GABBR2: variants seen among roughly 807,000 people sequenced by gnomAD.
The protein encoded by GABBR2 is G-protein coupled receptor 51.
Under a neutral mutation model 105.6 loss-of-function variants are expected in GABBR2, and 23 were observed. The ratio of observed to expected loss-of-function variants is 0.22; its 90% confidence interval spans 0.16 to 0.31. The LOEUF (loss-of-function observed/expected upper bound fraction) is 0.31. Ranked by LOEUF, GABBR2 falls within the 10% of genes least tolerant of loss-of-function variation. The probability of loss-of-function intolerance (pLI) is 1.00; values close to 1 mark genes in which losing one functional copy is unlikely to be tolerated. For missense variants in GABBR2, 734 were observed against 1,245.5 expected, an observed-to-expected ratio of 0.59 and a Z score of 6.18; for synonymous variants, 478 against 499.7, an observed-to-expected ratio of 0.96 and a Z score of 0.58.
chr9:98,595,071 C>A (rs1040582910), intron 1 of GABBR2, among the ~76,000 whole-genome samples: 1 of 152,050 alleles, frequency 6.6e-6, no homozygotes, highest in Non-Finnish European at 1.5e-5. Flanking sequence ...CACAAAATAC[C>A]ACAAACTGGA....
chr9:98,349,448 G>C (rs915827167), intron 13 of GABBR2, among the ~76,000 whole-genome samples: 13 of 146,110 alleles, frequency 8.9e-5, no homozygotes, highest in African/African-American at 3.1e-4. Context: ...CGCCTCCTGG[G>C]TTGCAAGCGA....
chr9:98,509,430 G>C (rs540063685), intron 3 of GABBR2, among the ~76,000 whole-genome samples: 1 of 152,344 alleles, frequency 6.6e-6, no homozygotes, highest in African/African-American at 2.4e-5. Context: ...GAATGACTTT[G>C]ACGAGTTGAG....
intron 1 of GABBR2, among the ~76,000 whole-genome samples, chr9:98,688,453 C>T (rs1830647341): frequency 6.7e-6 from 1 of 149,600 alleles, no homozygotes; most frequent in South Asian, 2.1e-4. Context: ...ACAACCACCA[C>T]AGATTACTTG....
intron 1 of GABBR2, among the ~76,000 whole-genome samples, chr9:98,653,949 T>C (rs919707007): frequency 1.3e-5 from 2 of 152,190 alleles, no homozygotes; most frequent in Non-Finnish European, 2.9e-5. Flanking sequence ...TTTATTCCTA[T>C]TGCATCCACA....
At chr9:98,453,617 G>A (rs893567835) in intron 7 of GABBR2, among the ~76,000 whole-genome samples, 2 of 152,334 alleles carry the variant, frequency 1.3e-5, no homozygotes, top group Middle Eastern at 3.4e-3. Context: ...AGGTAGTTTA[G>A]CAGCTTGAAG....
At chr9:98,597,691 G>A (rs929656151) in intron 1 of GABBR2, among the ~76,000 whole-genome samples, 3 of 152,018 alleles carry the variant, frequency 2.0e-5, no homozygotes, top group Non-Finnish European at 2.9e-5. Flanking sequence ...CTGGGGTGAG[G>A]GCACAGGTAA....
chr9:98,299,902 AC>A (rs1401081771), intron 16 of GABBR2, among the ~76,000 whole-genome samples: 1 of 151,984 alleles, frequency 6.6e-6, no homozygotes, highest in African/African-American at 2.4e-5. Flanking sequence ...TCACTCTGTC[AC>A]CCAGATTAGA....
intron 13 of GABBR2, among the ~76,000 whole-genome samples, chr9:98,346,779 C>T (rs1159945533): frequency 6.6e-6 from 1 of 152,188 alleles, no homozygotes; most frequent in Non-Finnish European, 1.5e-5. Context: ...CCTCTTCTTC[C>T]ATGAGCTCAG....
intron 3 of GABBR2, among the ~76,000 whole-genome samples, chr9:98,516,586 C>T: frequency 6.6e-6 from 1 of 152,184 alleles, no homozygotes; most frequent in East Asian, 1.9e-4. Flanking sequence ...AAGAGAGCCA[C>T]CAGTTGCAGA....
chr9:98,545,866 A>G (rs1398887999), intron 2 of GABBR2, among the ~76,000 whole-genome samples: 2 of 152,146 alleles, frequency 1.3e-5, no homozygotes, highest in Non-Finnish European at 2.9e-5. Context: ...ACAGTCACCC[A>G]GCATCTGGCA....
At chr9:98,366,312 A>T (rs531529) in intron 12 of GABBR2, among the ~76,000 whole-genome samples, 73,169 of 152,160 alleles carry the variant, frequency 0.48, 20,571 homozygotes, top group African/African-American at 0.79. Context: ...AATAAAGTTT[A>T]ATGGGAACGT....
intron 7 of GABBR2, among the ~76,000 whole-genome samples, chr9:98,447,979 C>T (rs77057956): frequency 0.087 from 13,289 of 152,092 alleles, 713 homozygotes; most frequent in South Asian, 0.23. Flanking sequence ...CTCTGCAAAT[C>T]GCCATCTGCT....
At chr9:98,302,668 A>C (rs1830488876) in intron 16 of GABBR2, among the ~76,000 whole-genome samples, 1 of 152,002 alleles carries the variant, frequency 6.6e-6, no homozygotes, top group African/African-American at 2.4e-5. Flanking sequence ...GGGGTAGAGG[A>C]GGGGAGGTAA....
chr9:98,607,057 A>T, intron 1 of GABBR2: 1 of 1,418,172 alleles, frequency 7.1e-7, no homozygotes, highest in Non-Finnish European at 9.9e-7. Context: ...AACCAAGTAT[A>T]CAGAAAATCA....
At chr9:98,397,479 T>C (rs1240684634) in intron 8 of GABBR2, among the ~76,000 whole-genome samples, 1 of 152,138 alleles carries the variant, frequency 6.6e-6, no homozygotes, top group East Asian at 1.9e-4. Flanking sequence ...TTAGAATTGA[T>C]AAGAGGGTTA....
intron 13 of GABBR2, among the ~76,000 whole-genome samples, chr9:98,318,621 C>T (rs930705688): frequency 1.2e-4 from 19 of 152,178 alleles, no homozygotes; most frequent in Admixed American, 1.2e-3. Flanking sequence ...GCTCTTGGCG[C>T]GGGTCACTCG....
At chr9:98,498,236 G>C (rs940394743) in intron 3 of GABBR2, among the ~76,000 whole-genome samples, 3 of 151,956 alleles carry the variant, frequency 2.0e-5, no homozygotes, top group African/African-American at 4.8e-5. Context: ...AGGGAAGGAG[G>C]GGGTGGGGAG....
chr9:98,295,726 A>G (rs1588085450), intron 17 of GABBR2, among the ~76,000 whole-genome samples: 1 of 152,112 alleles, frequency 6.6e-6, no homozygotes, highest in South Asian at 2.1e-4. Flanking sequence ...GGGTTTCACC[A>G]TGTTGGCCAG....
intron 3 of GABBR2, among the ~76,000 whole-genome samples, chr9:98,500,002 A>C (rs1289113753): frequency 6.6e-6 from 1 of 152,164 alleles, no homozygotes; most frequent in East Asian, 1.9e-4. Context: ...GCAGTGAGCC[A>C]AGATCGCACC....
Sources: allele counts gnomAD v4.1 joint callset (sites outside exome capture counted in the v4.1 genomes callset), GRCh38; gene constraint gnomAD v4.1.1; transcripts MANE v1.5; gene names NCBI Gene and HGNC (gene_info 2026-07-23, HGNC 2026-07-21).